Variants in GFM1 observed in about 807,000 individuals in gnomAD.
GFM1 encodes elongation factor G, mitochondrial.
A neutral mutation model predicts 96.2 loss-of-function variants in GFM1; 62 were observed. The observed-to-expected ratio is 0.64, with a 90% CI of 0.53 to 0.80. The LOEUF (loss-of-function observed/expected upper bound fraction) is 0.80. GFM1 is among the 30% of genes least tolerant of loss of function. GFM1 has a pLI of 0.00. For synonymous variants in GFM1, 282 were observed against 312.9 expected (o/e 0.90, Z 1.04); for missense variants, 852 against 916.6 (o/e 0.93, Z 0.91).
intron 13 of GFM1, chr3:158,669,305 A>G (rs1724034158): frequency 8.4e-7 from 1 of 1,191,696 alleles, no homozygotes; most frequent in Middle Eastern, 2.9e-4. Flanking sequence ...ATTGGATTAG[A>G]AATGAGTATT....
At chr3:158,688,560 A>G (rs988806081) in intron 15 of GFM1, among the ~76,000 whole-genome samples, 4 of 152,240 alleles carry the variant, frequency 2.6e-5, no homozygotes, top group African/African-American at 9.6e-5. Flanking sequence ...AACTAAATCT[A>G]GCTATATCTG....
Position 158,654,534 on chromosome 3 carries a change from CTTTTA to C in GFM1, c.999-7_999-3del. ...TATTACATCTCATAGATTTATATTT[CTTTTA>C]TTTTAAGTGACTCAAAAGAGAAAAC... is the stretch of plus-strand genomic sequence containing the variant. On this transcript the variant is annotated splice_region_variant and splice_polypyrimidine_tract_variant and intron_variant, in intron 7 of 17. Transcript: ENST00000486715. The C allele has an allele frequency of 7.0e-7, 1 of 1,434,188 alleles. No individual in the cohort carries two copies. The highest frequency in any genetic ancestry group is 9.8e-7 in the Non-Finnish European group (1 of 1,016,774). 88.8% of individuals were successfully genotyped at this position (1,434,188 alleles called of 1,614,324 possible).
At position 158,656,100 on chromosome 3, in the gene GFM1, A is replaced by T. The variant is rs1722732950; in HGVS notation, c.1083+1469A>T. 1.6e-5 allele frequency: 5 copies of T among 322,072 alleles called. No individual in the cohort carries two copies. The Admixed American group carries it at 2.0e-4, about 13-fold the overall frequency. The allele number at this position is 322,072 out of a possible 1,614,324, so 20.0% of individuals were successfully genotyped here. A position where few individuals can be genotyped will look rare whatever the true frequency, so the allele number is the denominator to read the frequency against. On this transcript the variant is annotated intron_variant, in intron 8 of 17. Transcript: ENST00000486715. ...TGAAGTGTTATTCTTGTCACATCAT[A>T]TCCAAGGTACAGACTTGCAGCATGA... is the stretch of plus-strand genomic sequence containing the variant.
intron 13 of GFM1, among the ~76,000 whole-genome samples, chr3:158,676,718 A>C (rs1724926280): frequency 1.5e-5 from 2 of 132,196 alleles, no homozygotes; most frequent in Admixed American, 8.0e-5. Context: ...TTTTTTTTTG[A>C]GACAGAGTCT....
intron 13 of GFM1, among the ~76,000 whole-genome samples, chr3:158,667,557 A>G (rs1406400693): frequency 6.6e-6 from 1 of 152,208 alleles, no homozygotes; most frequent in African/African-American, 2.4e-5. Context: ...GGGCTGAGGT[A>G]GGCAACTTGC....
rs1426756055 is a variant in GFM1 at position 158,692,073 on chromosome 3, G to A, written c.*606G>A. 6.5e-6 allele frequency: 1 copy of A among 152,698 alleles called. No homozygotes were observed. The highest frequency in any genetic ancestry group is 6.5e-5 in the Admixed American group (1 of 15,306). The allele number at this position is 152,698 out of a possible 1,614,324, so 9.5% of individuals were successfully genotyped here. Reference sequence around the variant, plus strand: ...GCTTTTCTGTTGAAGAGTGGATTCCGTATGTTCTTCATAGAGAGTGTTTTT... The same window carrying A: ...GCTTTTCTGTTGAAGAGTGGATTCCATATGTTCTTCATAGAGAGTGTTTTT... On this transcript the variant is annotated 3_prime_UTR_variant, in exon 18 of 18. Transcript: ENST00000486715.
At chr3:158,689,463 C>T (rs1276731027) in intron 15 of GFM1, among the ~76,000 whole-genome samples, 2 of 152,250 alleles carry the variant, frequency 1.3e-5, no homozygotes, top group Middle Eastern at 3.4e-3. Context: ...TTGATTCTTG[C>T]TTCTGAGTAT....
intron 13 of GFM1, chr3:158,669,050 AT>A: frequency 6.2e-7 from 1 of 1,613,638 alleles, no homozygotes; most frequent in Non-Finnish European, 8.5e-7. Context: ...CTTCAGTAGA[AT>A]TTTGCCATAT....
intron 8 of GFM1, among the ~76,000 whole-genome samples, chr3:158,657,699 T>C (rs1722879903): frequency 6.6e-6 from 1 of 152,158 alleles, no homozygotes; most frequent in East Asian, 1.9e-4. Flanking sequence ...TTTGTTTTAG[T>C]GGGTAGGATC....
rs143176525 is a variant in GFM1 at position 158,677,754 on chromosome 3, G to A, written c.1602-4241G>A. ...CCTGACCTCGTGATCCACCTGCCTCGGCCTCCCAAAGTGCTGGGATTACAG... is the reference window on the plus strand; with the variant it reads ...CCTGACCTCGTGATCCACCTGCCTCAGCCTCCCAAAGTGCTGGGATTACAG... On this transcript the variant is annotated intron_variant, in intron 13 of 17. Coordinates refer to ENST00000486715, the MANE Select transcript of GFM1 (RefSeq NM_024996.7). 8.1e-3 allele frequency among the ~76,000 whole-genome samples: 1,230 copies of A among 152,076 alleles called. 23 individuals are homozygous for A. The highest frequency in any genetic ancestry group is 0.029 in the African/African-American group (1,191 of 41,488).
At chr3:158,646,396 C>A (rs2108002124) in intron 3 of GFM1, 99 bp downstream of exon 3, 3 of 1,237,570 alleles carry the variant, frequency 2.4e-6, no homozygotes, top group Non-Finnish European at 3.5e-6. Context: ...GTCAAATACT[C>A]AAAAGTGTAA....
chr3:158,669,033 C>A, intron 13 of GFM1: 3 of 1,613,204 alleles, frequency 1.9e-6, no homozygotes, highest in Non-Finnish European at 2.5e-6. Flanking sequence ...CATTTTATAC[C>A]ATGTGTCTTC....
rs1721794196 is a variant in GFM1, at chr3:158,646,267, G to A, written c.337G>A (p.Asp113Asn). The change falls in exon 3 of 18, where the codon GAT becomes AAT. Residue 113 changes from aspartate (D) to asparagine (N), a missense_variant. Asp to Asn is a conservative substitution (Grantham distance 23). Transcript: ENST00000486715. ...QSAATYTMWK[D>N]VNINIIDTPG... Reference sequence around the variant, plus strand: ...AGCAGCCACTTACACCATGTGGAAAGATGTCAATATTAACATTATAGATAC... The same window carrying A: ...AGCAGCCACTTACACCATGTGGAAAAATGTCAATATTAACATTATAGATAC... 3 of 1,614,008 alleles carry A rather than the reference G, an allele frequency of 1.9e-6. No homozygotes were observed. Among genetic ancestry groups the A allele is most frequent in the South Asian group, 2.2e-5 (2 of 91,088 alleles).
At chr3:158,668,407 C>T (rs181359456) in intron 13 of GFM1, among the ~76,000 whole-genome samples, 11 of 152,072 alleles carry the variant, frequency 7.2e-5, no homozygotes, top group South Asian at 6.3e-4. Flanking sequence ...TTTTGATTCT[C>T]GGTTGTTTGT....
rs948136656 is a variant in GFM1, at chr3:158,694,731, A to G, written c.*3264A>G. On this transcript the variant is annotated 3_prime_UTR_variant, in exon 18 of 18. Transcript: ENST00000486715. ...TTACCTTAAAAAAAAAAGTGTTCCT[A>G]TTTATATAAGCTTCCAACTGACTTT... Among the ~76,000 whole-genome samples the G allele has an allele frequency of 2.0e-5, 3 of 152,148 alleles. No homozygotes were observed. Among genetic ancestry groups the G allele is most frequent in the Admixed American group, 2.0e-4 (3 of 15,270 alleles).
chr3:158,658,245 C>T (rs912597666), intron 8 of GFM1, among the ~76,000 whole-genome samples: 3 of 146,840 alleles, frequency 2.0e-5, no homozygotes, highest in African/African-American at 7.6e-5. Flanking sequence ...CGGCTCACTG[C>T]AACCTCCGCC....
rs1194753717 is a variant in GFM1 at position 158,693,906 on chromosome 3, C to T, written c.*2439C>T. 1 of 152,116 alleles carries T rather than the reference C, an allele frequency of 6.6e-6. No homozygotes were observed. The highest frequency in any genetic ancestry group is 2.4e-5 in the African/African-American group (1 of 41,428). The allele number at this position is 152,116 out of a possible 1,614,324, so 9.4% of individuals were successfully genotyped here. On this transcript the variant is annotated 3_prime_UTR_variant, in exon 18 of 18. Transcript: ENST00000486715. The stretch of plus-strand genomic sequence containing the variant: ...AAGTTAAAGACCGCTGAAATATTGC[C>T]TGCACTGCGCTTAAGCCCAAGACAT...
At chr3:158,679,697 T>A (rs1431750491) in intron 13 of GFM1, among the ~76,000 whole-genome samples, 1 of 152,182 alleles carries the variant, frequency 6.6e-6, no homozygotes, top group Non-Finnish European at 1.5e-5. Flanking sequence ...TCGTTGTGCA[T>A]GTGAGTTTTT....
rs1299994087 is a variant in GFM1 at position 158,652,214 on chromosome 3, G to A, written c.808G>A (p.Glu270Lys). 3.1e-6 allele frequency: 5 copies of A among 1,613,966 alleles called. No individual in the cohort carries two copies. Among genetic ancestry groups the A allele is most frequent in the Non-Finnish European group, 4.2e-6 (5 of 1,179,986 alleles). ...TGAACAGCTTGGTGAGATGTTTCTG[G>A]AAGAAAAAATCCCCTCGATTTCTGA... ...SDEQLGEMFL[E>K]EKIPSISDLK... The change falls in exon 6 of 18, where the codon GAA becomes AAA. Residue 270 changes from glutamate (E) to lysine (K), a missense_variant. Glu to Lys is a moderately conservative substitution (Grantham distance 56, BLOSUM62 1). Transcript: ENST00000486715.
Sources: gnomAD v4.1 joint callset for allele counts (sites outside exome capture counted in the v4.1 genomes callset) on GRCh38, gnomAD v4.1.1 for gene constraint, MANE v1.5 for transcripts, NCBI Gene and HGNC (gene_info 2026-07-23, HGNC 2026-07-21) for gene names.